The following ETV6 variants were observed in gnomAD, a reference collection of about 807,000 sequenced individuals.
The protein encoded by ETV6 is transcription factor ETV6.
ETV6 carries 16 observed loss-of-function variants against 51.1 expected under a neutral mutation model. The observed-to-expected ratio is 0.31, with a 90% CI of 0.21 to 0.48. The LOEUF (loss-of-function observed/expected upper bound fraction) is 0.48, where lower values mean the gene tolerates loss of function less well. Among genes scored for constraint, ETV6 ranks in the 20% least tolerant of loss-of-function variants. The pLI, the probability that ETV6 is intolerant of heterozygous loss-of-function variation, is 0.99. For missense variants in ETV6, 458 were observed against 594.8 expected (o/e 0.77, Z 2.39); for synonymous variants, 240 against 224.1 (o/e 1.07, Z -0.64).
chr12:11,701,278 T>C (rs531696535), intron 1 of ETV6, among the ~76,000 whole-genome samples: 116 of 152,276 alleles, frequency 7.6e-4, no homozygotes, highest in Middle Eastern at 3.4e-3. Flanking sequence ...CAGCAAACGC[T>C]GGCATGCCCT....
Position 11,874,658 on chromosome 12 carries a change from G to GTGTGTGTATATATGTGTGTA in ETV6, c.1009+4690_1009+4691insGTGTGTATATATGTGTGTAT, listed in dbSNP as rs1313306538. ...TGTGTGTGTATATACACATATGTGT[G>GTGTGTGTATATATGTGTGTA]TATATGTATATATGTGTGTATATAT... On this transcript the variant is annotated intron_variant, in intron 5 of 7. Coordinates refer to ENST00000396373, the MANE Select transcript of ETV6 (RefSeq NM_001987.5). Among the ~76,000 whole-genome samples the GTGTGTGTATATATGTGTGTA allele has an allele frequency of 1.5e-4, 2 of 13,538 alleles. 1 individual carries two copies. Among genetic ancestry groups the GTGTGTGTATATATGTGTGTA allele is most frequent in the African/African-American group, 3.9e-4 (2 of 5,072 alleles). 8.9% of individuals were successfully genotyped at this position (13,538 alleles called of 152,430 possible).
intron 1 of ETV6, among the ~76,000 whole-genome samples, chr12:11,672,680 C>T (rs1412481613): frequency 2.0e-5 from 3 of 152,174 alleles, no homozygotes; most frequent in South Asian, 2.1e-4. Context: ...TCATAACAGA[C>T]GGCCACCTTA....
At chr12:11,766,017 C>T (rs1945156067) in intron 2 of ETV6, among the ~76,000 whole-genome samples, 1 of 151,958 alleles carries the variant, frequency 6.6e-6, no homozygotes, top group Admixed American at 6.5e-5. Context: ...AAACTCTTGG[C>T]GGCTCACAGG....
At chr12:11,653,106 G>A (rs922720658) in intron 1 of ETV6, among the ~76,000 whole-genome samples, 3 of 151,984 alleles carry the variant, frequency 2.0e-5, no homozygotes, top group Non-Finnish European at 2.9e-5. Flanking sequence ...AAGTTCAAAT[G>A]CTTCAATTCC....
At chr12:11,761,610 T>A (rs1945087008) in intron 2 of ETV6, among the ~76,000 whole-genome samples, 1 of 152,224 alleles carries the variant, frequency 6.6e-6, no homozygotes, top group South Asian at 2.1e-4. Context: ...TTGCCTGACG[T>A]TTGGTGCCTT....
chr12:11,739,600 G>C (rs1865770783), intron 1 of ETV6, among the ~76,000 whole-genome samples: 1 of 152,124 alleles, frequency 6.6e-6, no homozygotes, highest in African/African-American at 2.4e-5. Flanking sequence ...AAAATTTAGT[G>C]TCGGATTTGA....
intron 6 of ETV6, among the ~76,000 whole-genome samples, chr12:11,885,532 A>G (rs7961957): frequency 0.01 from 1,552 of 152,348 alleles, 30 homozygotes; most frequent in African/African-American, 0.035. Flanking sequence ...TTGCAACAAA[A>G]AAAAAGAAAT....
intron 1 of ETV6, among the ~76,000 whole-genome samples, chr12:11,684,361 G>T (rs1335524165): frequency 6.6e-6 from 1 of 152,090 alleles, no homozygotes; most frequent in Non-Finnish European, 1.5e-5. Flanking sequence ...TATTATTTGT[G>T]TTTTTTTCCT....
At chr12:11,887,861 A>C (rs1179387595) in intron 7 of ETV6, among the ~76,000 whole-genome samples, 1 of 151,400 alleles carries the variant, frequency 6.6e-6, no homozygotes, top group African/African-American at 2.4e-5. Flanking sequence ...GTTCCCTTTG[A>C]CTCCTCCTGT....
intron 1 of ETV6, among the ~76,000 whole-genome samples, chr12:11,682,694 T>C (rs1473382842): frequency 6.6e-6 from 1 of 152,220 alleles, no homozygotes; most frequent in African/African-American, 2.4e-5. Context: ...TTTATGGTTT[T>C]ATAGGTTTTT....
intron 1 of ETV6, among the ~76,000 whole-genome samples, chr12:11,673,150 G>T (rs1349927623): frequency 6.6e-6 from 1 of 152,180 alleles, no homozygotes; most frequent in Non-Finnish European, 1.5e-5. Flanking sequence ...TGGCTCTGAG[G>T]GTGCCAAGCT....
At chr12:11,763,644 G>A (rs144338343) in intron 2 of ETV6, among the ~76,000 whole-genome samples, 84 of 152,328 alleles carry the variant, frequency 5.5e-4, no homozygotes, top group Non-Finnish European at 1.0e-3. Context: ...CGTTGGGATC[G>A]TCTTATAGCT....
intron 1 of ETV6, among the ~76,000 whole-genome samples, chr12:11,675,313 C>A (rs960524190): frequency 1.8e-4 from 28 of 152,158 alleles, no homozygotes; most frequent in African/African-American, 6.5e-4. Context: ...AGCAAATAAA[C>A]AAAAAGCCCC....
intron 1 of ETV6, among the ~76,000 whole-genome samples, chr12:11,710,932 G>T (rs1865161223): frequency 6.6e-6 from 1 of 152,168 alleles, no homozygotes. Context: ...CCTGGAGGCT[G>T]CAGGATAGCC....
chr12:11,870,735 G>A (rs1344439350), intron 5 of ETV6, among the ~76,000 whole-genome samples: 1 of 152,180 alleles, frequency 6.6e-6, no homozygotes, highest in African/African-American at 2.4e-5. Context: ...TAGGAGTAGG[G>A]ATACAGAGCT....
At chr12:11,866,176 A>C (rs1219805950) in intron 4 of ETV6, among the ~76,000 whole-genome samples, 1 of 150,960 alleles carries the variant, frequency 6.6e-6, no homozygotes, top group Non-Finnish European at 1.5e-5. Context: ...TATACTTTTC[A>C]GTTATAGAAT....
chr12:11,767,108 G>C (rs1199379467), intron 2 of ETV6, among the ~76,000 whole-genome samples: 1 of 152,180 alleles, frequency 6.6e-6, no homozygotes, highest in African/African-American at 2.4e-5. Context: ...TTAGGCTTAA[G>C]TTAATGAAAT....
rs202004830 is a variant in ETV6, at chr12:11,839,180, G to C, written c.204G>C (p.Gln68His). The part of the protein sequence containing the change: ...PIYWSRDDVA[Q>H]WLKWAENEFS... Reference sequence around the variant, plus strand: ...ACTGGAGCAGGGATGACGTAGCCCAGTGGCTCAAGTGGGCTGAAAATGAGT... The same window carrying C: ...ACTGGAGCAGGGATGACGTAGCCCACTGGCTCAAGTGGGCTGAAAATGAGT... Residue 68 changes from glutamine to histidine, a missense_variant, in exon 3 of 8, where the codon CAG becomes CAC. By Grantham distance (24) the Gln-to-His change is conservative. Around this residue, in one of 4 missense-constraint regions of ETV6, gnomAD observed 26 missense variants for 52.1 expected, o/e 0.50. Transcript: ENST00000396373. The C allele has an allele frequency of 8.7e-6, 14 of 1,614,252 alleles. No homozygotes were observed. Among genetic ancestry groups the C allele is most frequent in the Admixed American group, 8.3e-5 (5 of 60,030 alleles).
chr12:11,771,534 T>A (rs1945241196), intron 2 of ETV6, among the ~76,000 whole-genome samples: 1 of 152,206 alleles, frequency 6.6e-6, no homozygotes, highest in African/African-American at 2.4e-5. Context: ...GGCAGGTTTG[T>A]ATGTTACCAG....
Sources: allele counts gnomAD v4.1 joint callset (sites outside exome capture counted in the v4.1 genomes callset), GRCh38; gene constraint gnomAD v4.1.1; regional missense constraint gnomAD v4.1.1; transcripts MANE v1.5; gene names NCBI Gene and HGNC (gene_info 2026-07-23, HGNC 2026-07-21).